The following CAPN3 variants were observed in gnomAD, a reference collection of about 807,000 sequenced individuals.
CAPN3 encodes the protein calpain 3, also known as calpain-3.
Under a neutral mutation model 114.0 loss-of-function variants are expected in CAPN3, and 88 were observed. The ratio of observed to expected loss-of-function variants is 0.77; its 90% CI spans 0.65 to 0.92. The LOEUF (loss-of-function observed/expected upper bound fraction) is 0.92, where lower values mean the gene tolerates loss of function less well. Ranked by LOEUF, CAPN3 falls within the 40% of genes least tolerant of loss-of-function variation. The pLI, the probability that CAPN3 is intolerant of heterozygous loss-of-function variation, is 0.00. For synonymous variants in CAPN3, 386 were observed against 382.9 expected (o/e 1.01, Z -0.09); for missense variants, 1,028 against 1,069.0 (o/e 0.96, Z 0.53).
intron 10 of CAPN3, among the ~76,000 whole-genome samples, chr15:42,401,246 T>C (rs1230364484): frequency 1.3e-5 from 2 of 149,988 alleles, no homozygotes; most frequent in African/African-American, 4.9e-5. Context: ...TCAGGCATCA[T>C]GCGCGTGTAG....
At chr15:42,382,454 T>C (rs972144196) in intron 1 of CAPN3, among the ~76,000 whole-genome samples, 2 of 152,170 alleles carry the variant, frequency 1.3e-5, no homozygotes, top group African/African-American at 4.8e-5. Context: ...CGGCAATCTC[T>C]GCCTCCCAGG....
chr15:42,381,978 C>T (rs1436348475), intron 1 of CAPN3, among the ~76,000 whole-genome samples: 1 of 152,012 alleles, frequency 6.6e-6, no homozygotes, highest in East Asian at 1.9e-4. Flanking sequence ...ACAATATTCC[C>T]TGAATTCTTA....
intron 1 of CAPN3, among the ~76,000 whole-genome samples, chr15:42,380,751 A>ATATATATATATATATATATATTT (rs1436943739): frequency 3.1e-5 from 2 of 64,456 alleles, no homozygotes; most frequent in African/African-American, 1.8e-4. Context: ...ATATATATAT[A>ATATATATATATATATATATATTT]TTTTTTTTTT....
At chr15:42,406,153 G>A (rs917770560) in intron 15 of CAPN3, among the ~76,000 whole-genome samples, 5 of 152,098 alleles carry the variant, frequency 3.3e-5, no homozygotes, top group African/African-American at 1.2e-4. Context: ...ACTCTTTTAG[G>A]TGCTTTCCAT....
intron 3 of CAPN3, 119 bp from the exon 4 acceptor site, chr15:42,387,634 C>T: frequency 8.0e-7 from 1 of 1,253,216 alleles, no homozygotes; most frequent in Non-Finnish European, 1.2e-6. Flanking sequence ...CACCCAGATG[C>T]AGAGTCCAGG....
intron 1 of CAPN3, among the ~76,000 whole-genome samples, chr15:42,375,516 G>A (rs115941833): frequency 6.6e-6 from 1 of 151,926 alleles, no homozygotes; most frequent in African/African-American, 2.4e-5. Context: ...CTCCAAAAAG[G>A]GTTCACTGCA....
Position 42,408,190 on chromosome 15 carries a change from C to A in CAPN3, c.1801-21C>A, listed in dbSNP as rs1022860783. The A allele has an allele frequency of 2.6e-6, 4 of 1,540,456 alleles. No homozygotes were observed. The Admixed American group carries it at 5.0e-5, about 19-fold the overall frequency. Reference sequence around the variant, plus strand: ...GACTGTAATCCTCCCTTCCTTCCTGCCTCCTCCCTCCTCTCTCCAGCCCAT... The same window carrying A: ...GACTGTAATCCTCCCTTCCTTCCTGACTCCTCCCTCCTCTCTCCAGCCCAT... On this transcript the variant is annotated intron_variant, in intron 15 of 23. Coordinates refer to ENST00000397163, the MANE Select transcript of CAPN3 (RefSeq NM_000070.3).
At chr15:42,407,619 G>T (rs1051379720) in intron 15 of CAPN3, among the ~76,000 whole-genome samples, 2 of 152,072 alleles carry the variant, frequency 1.3e-5, no homozygotes, top group African/African-American at 2.4e-5. Flanking sequence ...GTGAGCCACC[G>T]TGCCCGGCCA....
In CAPN3 at chr15:42,389,098, T is replaced by G; in HGVS notation, c.801+2T>G. 1.2e-6 allele frequency: 2 copies of G among 1,613,784 alleles called. No homozygotes were observed. Among genetic ancestry groups the G allele is most frequent in the Non-Finnish European group, 1.7e-6 (2 of 1,179,902 alleles). ...TCCCTCATGGGCTGCTCCATTGATG[T>G]AAGTCTGGGGTGTGGGGCACAGGGT... On this transcript the variant is annotated splice_donor_variant, in intron 5 of 23. Coordinates refer to ENST00000397163, the MANE Select transcript of CAPN3 (RefSeq NM_000070.3). LOFTEE classifies it high-confidence loss of function.
intron 1 of CAPN3, among the ~76,000 whole-genome samples, chr15:42,380,078 C>A (rs930825447): frequency 6.6e-6 from 1 of 151,934 alleles, no homozygotes; most frequent in Non-Finnish European, 1.5e-5. Context: ...CCAGCCTGGG[C>A]GACAAGAGCG....
At chr15:42,403,610 G>T in intron 13 of CAPN3, 131 bp from the exon 14 acceptor site, 1 of 827,562 alleles carries the variant, frequency 1.2e-6, no homozygotes, top group Non-Finnish European at 2.1e-6. Context: ...TGGGGTTGGG[G>T]TGTTCCAGGG....
intron 1 of CAPN3, among the ~76,000 whole-genome samples, chr15:42,371,886 C>T (rs547276780): frequency 6.6e-6 from 1 of 151,646 alleles, no homozygotes. Flanking sequence ...ATCGCTTGAA[C>T]CCAGGAGACA....
rs981168782 is a variant in CAPN3, at chr15:42,402,348, G to A, written c.1536+213G>A. 2.2e-5 allele frequency: 32 copies of A among 1,479,860 alleles called. No individual in the cohort carries two copies. In the Admixed American group the frequency reaches 5.1e-4, roughly 24 times the overall value. 91.7% of individuals were successfully genotyped at this position (1,479,860 alleles called of 1,614,324 possible). On this transcript the variant is annotated intron_variant, in intron 12 of 23. Coordinates refer to ENST00000397163, the MANE Select transcript of CAPN3 (RefSeq NM_000070.3). ...CCCCAGGATGTGCACTTTCTCCCTC[G>A]CACCAGACACTGCACGTCACACACA...
Position 42,412,149 on chromosome 15 carries a change from C to T in CAPN3, c.*376C>T. ...TCCTTGTGCTAGAGCCCTCCATCAC[C>T]TTCACGCTGTCCCACCATGGGCCAG... On this transcript the variant is annotated 3_prime_UTR_variant, in exon 24 of 24. Coordinates refer to ENST00000397163, the MANE Select transcript of CAPN3 (RefSeq NM_000070.3). 1 of 1,536,124 alleles carries T rather than the reference C, an allele frequency of 6.5e-7. No homozygotes were observed. Among genetic ancestry groups the T allele is most frequent in the Non-Finnish European group, 8.7e-7 (1 of 1,146,904 alleles).
At chr15:42,380,128 C>G (rs143617676) in intron 1 of CAPN3, among the ~76,000 whole-genome samples, 1 of 152,096 alleles carries the variant, frequency 6.6e-6, no homozygotes, top group Admixed American at 6.6e-5. Flanking sequence ...GGGTTTCTTG[C>G]AGACAACATA....
In CAPN3 at chr15:42,374,986, AATTTATTTATTT is replaced by A. The variant is rs71431847; in HGVS notation, c.310-9458_310-9447del. ...CCACATTTTTATTTGTTTAAATAAA[AATTTATTTATTT>A]ATTTATTTATTTATTTATTTATTTA... On this transcript the variant is annotated intron_variant, in intron 1 of 23. Coordinates refer to ENST00000397163, the MANE Select transcript of CAPN3 (RefSeq NM_000070.3). Among the ~76,000 whole-genome samples the A allele has an allele frequency of 3.5e-3, 467 of 134,022 alleles. 2 individuals carry two copies. The highest frequency in any genetic ancestry group is 4.6e-3 in the African/African-American group (166 of 36,212). 87.9% of individuals were successfully genotyped at this position (134,022 alleles called of 152,430 possible).
chr15:42,377,199 A>G (rs1310819339), intron 1 of CAPN3, among the ~76,000 whole-genome samples: 1 of 152,178 alleles, frequency 6.6e-6, no homozygotes, highest in Non-Finnish European at 1.5e-5. Flanking sequence ...GACTTCCAGT[A>G]GGACACTGAA....
At chr15:42,401,544 G>T in intron 10 of CAPN3, 97 bp from the exon 11 acceptor site, 3 of 924,156 alleles carry the variant, frequency 3.2e-6, no homozygotes, top group African/African-American at 1.7e-5. Context: ...TAAGCACCTA[G>T]ATGTAGGGAA....
At chr15:42,365,604 T>C (rs544238918) in intron 1 of CAPN3, among the ~76,000 whole-genome samples, 3 of 151,856 alleles carry the variant, frequency 2.0e-5, no homozygotes, top group Non-Finnish European at 4.4e-5. Context: ...CTCACCTCTT[T>C]CCCTCAACTC....
Sources: allele counts gnomAD v4.1 joint callset (sites outside exome capture counted in the v4.1 genomes callset), GRCh38; gene constraint gnomAD v4.1.1; transcripts MANE v1.5; gene names NCBI Gene and HGNC (gene_info 2026-07-23, HGNC 2026-07-21).